IL10RA: variants seen among roughly 807,000 people sequenced by gnomAD.
IL10RA encodes the protein interleukin 10 receptor subunit alpha, also known as interleukin-10 receptor subunit alpha.
Under a neutral mutation model 29.6 loss-of-function variants are expected in IL10RA, and 18 were observed. The ratio of observed to expected loss-of-function variants is 0.61; its 90% CI spans 0.42 to 0.90. The LOEUF is 0.90. Among genes scored for constraint, IL10RA ranks in the 40% least tolerant of loss-of-function variants. The pLI is 0.00. For missense variants in IL10RA, 634 were observed against 716.6 expected (o/e 0.88, Z 1.32); for synonymous variants, 292 against 294.1 (o/e 0.99, Z 0.07).
At chr11:118,001,506 C>T (rs750863476), downstream of IL10RA, 8 of 392,042 alleles carry the variant, frequency 2.0e-5, no homozygotes, top group Non-Finnish European at 2.5e-5. Flanking sequence ...AGTCAGATTG[C>T]TGATGGCACA....
intron 6 of IL10RA, among the ~76,000 whole-genome samples, chr11:117,997,098 A>G (rs1021479807): frequency 2.6e-5 from 4 of 152,230 alleles, no homozygotes; most frequent in African/African-American, 9.6e-5. Flanking sequence ...ATTATTGGAC[A>G]AGGAAGGGAT....
intron 5 of IL10RA, among the ~76,000 whole-genome samples, chr11:117,994,580 A>G (rs2058044430): frequency 6.6e-6 from 1 of 152,186 alleles, no homozygotes; most frequent in Admixed American, 6.5e-5. Flanking sequence ...CAGAGCTGCT[A>G]AAGTCAGCAA....
intron 6 of IL10RA, among the ~76,000 whole-genome samples, chr11:117,997,017 A>G (rs185953266): frequency 2.8e-4 from 42 of 152,368 alleles, no homozygotes; most frequent in African/African-American, 9.9e-4. Context: ...CAGAGCACTG[A>G]CACATTCATT....
intron 3 of IL10RA, among the ~76,000 whole-genome samples, chr11:117,991,554 C>G (rs2058022406): frequency 6.6e-6 from 1 of 152,224 alleles, no homozygotes; most frequent in Admixed American, 6.5e-5. Flanking sequence ...CCACTTCTCC[C>G]ACCTGCCTCC....
chr11:118,000,820 C>T lies in IL10RA; in HGVS notation c.*1179C>T. ...TACCAAGCTGGCTTGTTTCTTATGCCAGAGGCTAACAGATCCAATGGGAGT... is the reference window on the plus strand; with the variant it reads ...TACCAAGCTGGCTTGTTTCTTATGCTAGAGGCTAACAGATCCAATGGGAGT... On this transcript the variant is annotated 3_prime_UTR_variant, in exon 7 of 7. Transcript: ENST00000227752. The T allele has an allele frequency of 2.2e-6, 1 of 454,254 alleles. No homozygotes were observed. Among genetic ancestry groups the T allele is most frequent in the Non-Finnish European group, 4.4e-6 (1 of 226,782 alleles). The allele number at this position is 454,254 out of a possible 1,614,324, so 28.1% of individuals were successfully genotyped here.
At chr11:117,987,563 C>CAT (rs371399313) in intron 1 of IL10RA, 5 of 154,068 alleles carry the variant, frequency 3.2e-5, no homozygotes, top group African/African-American at 1.2e-4. Context: ...TGGCCTTGCA[C>CAT]ATACTTCAGT....
chr11:117,996,503 T>C (rs1319510584), intron 6 of IL10RA, among the ~76,000 whole-genome samples: 1 of 152,204 alleles, frequency 6.6e-6, no homozygotes, highest in Non-Finnish European at 1.5e-5. Flanking sequence ...ATAGCCTCCA[T>C]AGCTGGCACT....
At chr11:118,002,818 C>T (rs2058103923), downstream of IL10RA, 1 of 152,214 alleles carries the variant, frequency 6.6e-6, no homozygotes, top group Non-Finnish European at 1.5e-5. Context: ...TGATGAGACA[C>T]TTGCAGATTT....
chr11:117,995,550 A>G (rs1180764005), intron 5 of IL10RA, 39 bp from the exon 6 acceptor site: 1 of 1,613,542 alleles, frequency 6.2e-7, no homozygotes. Flanking sequence ...ACCGTGCCCC[A>G]TGGTGACAGG....
Position 117,999,531 on chromosome 11 carries a change from C to T in IL10RA, c.1627C>T (p.His543Tyr), listed in dbSNP as rs1437040679. ...GGGAATATCTGACTGGAGCTTTGCC[C>T]ATGACCTTGCCCCTCTAGGCTGTGT... Reference protein sequence around the residue: ...DLGISDWSFAHDLAPLGCVAA... With the variant: ...DLGISDWSFAYDLAPLGCVAA... The change falls in exon 7 of 7, where the codon CAT (histidine) becomes TAT (tyrosine). Residue 543 changes from histidine to tyrosine, a missense_variant. Coordinates refer to ENST00000227752, the MANE Select transcript of IL10RA (RefSeq NM_001558.4). The T allele has an allele frequency of 3.1e-6, 5 of 1,614,096 alleles. No individual in the cohort carries two copies. Among genetic ancestry groups the T allele is most frequent in the Admixed American group, 3.3e-5 (2 of 60,018 alleles).
rs1265982098 is a variant in IL10RA at position 117,999,788 on chromosome 11, A to G, written c.*147A>G. ...GGGGCTGGCCCCAGCCAGGCCCTGC[A>G]GGGCTGGTCAGGGTGTCTGGGGCAG... On this transcript the variant is annotated 3_prime_UTR_variant, in exon 7 of 7. Transcript: ENST00000227752. 6.7e-6 allele frequency: 5 copies of G among 742,876 alleles called. No individual in the cohort carries two copies. The highest frequency in any genetic ancestry group is 1.2e-5 in the Non-Finnish European group (5 of 423,148). The allele number at this position is 742,876 out of a possible 1,614,324, so 46.0% of individuals were successfully genotyped here.
chr11:117,988,376 C>A lies in IL10RA; in HGVS notation c.68-6C>A. On this transcript the variant is annotated splice_region_variant and splice_polypyrimidine_tract_variant and intron_variant, in intron 1 of 6. Coordinates refer to ENST00000227752, the MANE Select transcript of IL10RA (RefSeq NM_001558.4). The stretch of plus-strand genomic sequence containing the variant: ...CCAGCTGTGGTACTGACACTCTTCT[C>A]CCCAGGGACAGAGCTGCCCAGCCCT... 1 of 1,614,088 alleles carries A rather than the reference C, an allele frequency of 6.2e-7. No homozygotes were observed. The highest frequency in any genetic ancestry group is 8.5e-7 in the Non-Finnish European group (1 of 1,179,992).
In IL10RA at chr11:118,000,198, G is replaced by A. The variant is rs1040128083; in HGVS notation, c.*557G>A. 2 of 454,336 alleles carry A rather than the reference G, an allele frequency of 4.4e-6. No individual in the cohort carries two copies. The highest frequency in any genetic ancestry group is 6.9e-5 in the East Asian group (1 of 14,540). The allele number at this position is 454,336 out of a possible 1,614,324, so 28.1% of individuals were successfully genotyped here. A position where few individuals can be genotyped will look rare whatever the true frequency, so the allele number is the denominator to read the frequency against. ...ATCGGGCCTCTGGGGCAGGAAGCTTGTCACTGGAAGATCTTAAGGTATATA... is the reference window on the plus strand; with the variant it reads ...ATCGGGCCTCTGGGGCAGGAAGCTTATCACTGGAAGATCTTAAGGTATATA... On this transcript the variant is annotated 3_prime_UTR_variant, in exon 7 of 7. Coordinates refer to ENST00000227752, the MANE Select transcript of IL10RA (RefSeq NM_001558.4).
chr11:117,999,200 G>A lies in IL10RA; in HGVS notation c.1296G>A (p.Val432=), dbSNP rs778481857. The A allele has an allele frequency of 6.2e-7, 1 of 1,614,248 alleles. No homozygotes were observed. Among genetic ancestry groups the A allele is most frequent in the Non-Finnish European group, 8.5e-7 (1 of 1,180,044 alleles). The part of the protein sequence containing the change: ...LGHHSPPEPE[V]PGEEDPAAVA... ...ACCACAGTCCCCCGGAGCCTGAGGTGCCTGGGGAAGAAGACCCAGCTGCTG... is the reference window on the plus strand; with the variant it reads ...ACCACAGTCCCCCGGAGCCTGAGGTACCTGGGGAAGAAGACCCAGCTGCTG... Residue 432 remains valine (V), a synonymous_variant, in exon 7 of 7, where the codon GTG becomes GTA. Transcript: ENST00000227752.
Position 118,001,103 on chromosome 11 carries a change from A to G in IL10RA, c.*1462A>G. 2.2e-6 allele frequency: 1 copy of G among 454,258 alleles called. No individual in the cohort carries two copies. The highest frequency in any genetic ancestry group is 4.4e-6 in the Non-Finnish European group (1 of 226,792). 28.1% of individuals were successfully genotyped at this position (454,258 alleles called of 1,614,324 possible). Reference sequence around the variant, plus strand: ...CCCACCCCTCTGCCAAAGTACTCTTAGGTGCCAGTCTGGTAACTGAACTCC... The same window carrying G: ...CCCACCCCTCTGCCAAAGTACTCTTGGGTGCCAGTCTGGTAACTGAACTCC... On this transcript the variant is annotated 3_prime_UTR_variant, in exon 7 of 7. Transcript: ENST00000227752.
Position 117,988,025 on chromosome 11 carries a change from C to G in IL10RA, c.68-357C>G, listed in dbSNP as rs1591260811. 1.4e-5 allele frequency: 5 copies of G among 367,686 alleles called. No homozygotes were observed. In the East Asian group the frequency reaches 3.4e-4, roughly 25 times the overall value. 22.8% of individuals were successfully genotyped at this position (367,686 alleles called of 1,614,324 possible). On this transcript the variant is annotated intron_variant, in intron 1 of 6. Transcript: ENST00000227752. Reference sequence around the variant, plus strand: ...GATGGGGCCAAGCCTAGGAATAGTGCTAGAGCAGGGACAGGGATTGGGCAG... The same window carrying G: ...GATGGGGCCAAGCCTAGGAATAGTGGTAGAGCAGGGACAGGGATTGGGCAG...
chr11:117,995,529 T>A (rs1205628082), intron 5 of IL10RA, 60 bp from the exon 6 acceptor site: 1 of 1,609,140 alleles, frequency 6.2e-7, no homozygotes, highest in Non-Finnish European at 8.5e-7. Flanking sequence ...CAGAGTCCTA[T>A]GTCCAGAATC....
In IL10RA at chr11:117,989,265, T is replaced by C. The variant is rs2134982887; in HGVS notation, c.189-177T>C. On this transcript the variant is annotated intron_variant, in intron 2 of 6. Coordinates refer to ENST00000227752, the MANE Select transcript of IL10RA (RefSeq NM_001558.4). This position sits in a 1 kb window ranked among gnomAD's most constrained non-coding sequence, Gnocchi z 4.5. ...AGACCACATGGAAATTGGTACGGGGTCCCAAGACCAAGGGAGACCCCTCAC... is the reference window on the plus strand; with the variant it reads ...AGACCACATGGAAATTGGTACGGGGCCCCAAGACCAAGGGAGACCCCTCAC... Among the ~76,000 whole-genome samples the C allele has an allele frequency of 6.6e-6, 1 of 152,222 alleles. No individual in the cohort carries two copies. The highest frequency in any genetic ancestry group is 1.9e-4 in the East Asian group (1 of 5,190).
At position 117,986,419 on chromosome 11, in the gene IL10RA, G is replaced by A; in HGVS notation, c.-49G>A. 2.6e-6 allele frequency: 4 copies of A among 1,527,234 alleles called. No homozygotes were observed. The highest frequency in any genetic ancestry group is 3.5e-6 in the Non-Finnish European group (4 of 1,129,522). 94.6% of individuals were successfully genotyped at this position (1,527,234 alleles called of 1,614,324 possible). On this transcript the variant is annotated 5_prime_UTR_variant, in exon 1 of 7. Coordinates refer to ENST00000227752, the MANE Select transcript of IL10RA (RefSeq NM_001558.4). ...AGTCCCAGCCCAAGGGTAGCTGGAG[G>A]CGCGCAGGCCGGCTCCGCTCCGGCC... is the stretch of plus-strand genomic sequence containing the variant.
Sources: allele counts gnomAD v4.1 joint callset (sites outside exome capture counted in the v4.1 genomes callset), GRCh38; gene constraint gnomAD v4.1.1; non-coding constraint Gnocchi (gnomAD v3.1); transcripts MANE v1.5; gene names NCBI Gene and HGNC (gene_info 2026-07-23, HGNC 2026-07-21).